CABIN1: variants seen among roughly 807,000 people sequenced by gnomAD.
The protein encoded by CABIN1 is calcineurin binding protein 1.
In CABIN1, 133 loss-of-function variants were observed where a neutral mutation model predicts 227.7. That is an observed-to-expected ratio of 0.58 (90% CI 0.51 to 0.67). The LOEUF is 0.67. Ranked by LOEUF, CABIN1 falls within the 30% of genes least tolerant of loss-of-function variation. The pLI is 0.00. For synonymous variants in CABIN1, 1,086 were observed against 1,155.1 expected (o/e 0.94, Z 1.21); for missense variants, 2,408 against 2,852.5 (o/e 0.84, Z 3.55).
intron 1 of CABIN1, among the ~76,000 whole-genome samples, chr22:24,028,905 C>G (rs1038402361): frequency 6.6e-6 from 1 of 152,006 alleles, no homozygotes; most frequent in African/African-American, 2.4e-5. Context: ...AGGGACAGAC[C>G]CAGAGGCAGG....
At chr22:24,053,305 T>G (rs1262078668) in intron 8 of CABIN1, among the ~76,000 whole-genome samples, 3 of 152,034 alleles carry the variant, frequency 2.0e-5, no homozygotes, top group African/African-American at 4.8e-5. Flanking sequence ...CTCGATCTCC[T>G]GACCTTGTGA....
intron 28 of CABIN1, among the ~76,000 whole-genome samples, chr22:24,132,093 C>T (rs568677822): frequency 1.3e-5 from 2 of 151,732 alleles, no homozygotes; most frequent in African/African-American, 4.8e-5. Flanking sequence ...CAGTGTCCTA[C>T]ATCACCTTCT....
Position 24,087,572 on chromosome 22 carries a change from C to T in CABIN1, c.3384C>T (p.Cys1128=), listed in dbSNP as rs1050699440. 3.7e-6 allele frequency: 6 copies of T among 1,614,234 alleles called. No homozygotes were observed. In the African/African-American group the frequency reaches 6.7e-5, roughly 18 times the overall value. ...AGCATGCCACGCCCGTCTTGAACTG[C>T]TTCCGTCGGGCCCTGGAGATTGACA... ...IWKHATPVLN[C]FRRALEIDSS... The change falls in exon 23 of 37, where the codon TGC becomes TGT. Residue 1128 remains cysteine, a synonymous_variant. Coordinates refer to ENST00000263119, the MANE Select transcript of CABIN1 (RefSeq NM_012295.4).
chr22:24,169,798 G>A (rs1472755182), intron 33 of CABIN1, among the ~76,000 whole-genome samples: 1 of 152,202 alleles, frequency 6.6e-6, no homozygotes. Context: ...GACCCACACA[G>A]GAAACCCCCC....
At chr22:24,146,176 G>A (rs565337658) in intron 29 of CABIN1, among the ~76,000 whole-genome samples, 22 of 152,346 alleles carry the variant, frequency 1.4e-4, no homozygotes, top group African/African-American at 5.1e-4. Context: ...CTACTTGGCT[G>A]TAGTAGGAAT....
rs746314612 is a variant in CABIN1, at chr22:24,091,852, A to G, written c.3786+9A>G. On this transcript the variant is annotated intron_variant, in intron 24 of 36. Coordinates refer to ENST00000263119, the MANE Select transcript of CABIN1 (RefSeq NM_012295.4). Reference sequence around the variant, plus strand: ...CCATGGAGGCCCTGGAGGTGACACCATGCTGGCCCAGGGCGGGGAAGCAGG... The same window carrying G: ...CCATGGAGGCCCTGGAGGTGACACCGTGCTGGCCCAGGGCGGGGAAGCAGG... The G allele has an allele frequency of 6.2e-6, 10 of 1,612,234 alleles. No individual in the cohort carries two copies. Among genetic ancestry groups the G allele is most frequent in the South Asian group, 1.1e-5 (1 of 91,080 alleles).
chr22:24,119,486 A>G lies in CABIN1; in HGVS notation c.4420A>G (p.Thr1474Ala). The G allele has an allele frequency of 6.2e-7, 1 of 1,614,088 alleles. No homozygotes were observed. The highest frequency in any genetic ancestry group is 1.3e-5 in the African/African-American group (1 of 75,056). ...ACIPGKPSAS[T>A]PTLWDGKKRG... The stretch of plus-strand genomic sequence containing the variant: ...CATCCCTGGCAAGCCCTCAGCATCC[A>G]CACCCACCCTGTGGGATGGGAAGAA... The change falls in exon 28 of 37, where the codon ACA becomes GCA. Residue 1474 changes from threonine (T) to alanine (A), a missense_variant. Physicochemically the swap from Thr to Ala is moderately conservative, Grantham distance 58. This residue lies in a region of CABIN1 where 649 missense variants were observed against 910.3 expected (regional missense o/e 0.71). Transcript: ENST00000263119.
intron 13 of CABIN1, 135 bp downstream of exon 13, chr22:24,062,160 C>T (rs1197997995): frequency 4.1e-6 from 3 of 731,294 alleles, no homozygotes; most frequent in South Asian, 1.5e-5. Context: ...GTTGGCTTGT[C>T]AGGGTCCCAG....
chr22:24,085,116 G>A lies in CABIN1; in HGVS notation c.3228G>A (p.Lys1076=). ...ACAAGGAGCAGTCCAAGGCCATCAA[G>A]TTCTACATGCATGACATCTGCATCT... The part of the protein sequence containing the change: ...FKNKEQSKAI[K]FYMHDICICP... Residue 1076 remains lysine (K), a synonymous_variant, in exon 22 of 37, where the codon AAG becomes AAA. Transcript: ENST00000263119. 2.5e-6 allele frequency: 4 copies of A among 1,614,192 alleles called. No homozygotes were observed. Among genetic ancestry groups the A allele is most frequent in the African/African-American group, 1.3e-5 (1 of 75,048 alleles).
At chr22:24,100,687 C>T (rs1002374776) in intron 26 of CABIN1, among the ~76,000 whole-genome samples, 38 of 152,238 alleles carry the variant, frequency 2.5e-4, no homozygotes, top group Middle Eastern at 3.4e-3. Flanking sequence ...GAAGCAGTCA[C>T]GGGGAGGTCA....
At chr22:24,091,963 G>C in intron 24 of CABIN1, 120 bp downstream of exon 24, 1 of 1,187,730 alleles carries the variant, frequency 8.4e-7, no homozygotes, top group Non-Finnish European at 1.2e-6. Context: ...AAACTTATCT[G>C]TGTTGAGCAG....
chr22:24,067,591 G>A (rs552512114), intron 16 of CABIN1, among the ~76,000 whole-genome samples: 1 of 152,318 alleles, frequency 6.6e-6, no homozygotes, highest in South Asian at 2.1e-4. Flanking sequence ...AGACCAATGT[G>A]TTGAAGAAAA....
At chr22:24,151,689 C>G (rs1050679334) in intron 29 of CABIN1, among the ~76,000 whole-genome samples, 1 of 152,166 alleles carries the variant, frequency 6.6e-6, no homozygotes, top group Non-Finnish European at 1.5e-5. Context: ...CACCAAGAGG[C>G]CTTGGAGCCT....
At chr22:24,013,444 G>T (rs1262051621) in intron 1 of CABIN1, among the ~76,000 whole-genome samples, 1 of 151,976 alleles carries the variant, frequency 6.6e-6, no homozygotes, top group Non-Finnish European at 1.5e-5. Context: ...TGATCCGCCC[G>T]CCTCGGCCTC....
chr22:24,058,096 A>G (rs1434062730), intron 10 of CABIN1, among the ~76,000 whole-genome samples: 2 of 152,166 alleles, frequency 1.3e-5, no homozygotes, highest in South Asian at 2.1e-4. Flanking sequence ...CAGTGGCACA[A>G]TCATAGCTCA....
chr22:24,140,185 G>A (rs2044668546), intron 29 of CABIN1, among the ~76,000 whole-genome samples: 1 of 152,222 alleles, frequency 6.6e-6, no homozygotes, highest in South Asian at 2.1e-4. Flanking sequence ...GGGTGCTAAG[G>A]ATCGAGTGAG....
intron 19 of CABIN1, among the ~76,000 whole-genome samples, chr22:24,078,983 CT>C (rs1241776637): frequency 3.3e-5 from 5 of 151,954 alleles, no homozygotes; most frequent in African/African-American, 7.3e-5. Context: ...TTGCAGCTTG[CT>C]TTTATTTTAG....
intron 33 of CABIN1, among the ~76,000 whole-genome samples, chr22:24,170,404 C>A (rs1387399723): frequency 6.6e-6 from 1 of 152,208 alleles, no homozygotes; most frequent in Non-Finnish European, 1.5e-5. Context: ...TAATTAGAGG[C>A]TCAGTGCCCA....
chr22:24,130,519 A>G (rs971343601), intron 28 of CABIN1, among the ~76,000 whole-genome samples: 1 of 152,110 alleles, frequency 6.6e-6, no homozygotes, highest in African/African-American at 2.4e-5. Flanking sequence ...TCAACCCAGG[A>G]GGCATCATGT....
Sources: allele counts gnomAD v4.1 joint callset (sites outside exome capture counted in the v4.1 genomes callset), GRCh38; gene constraint gnomAD v4.1.1; regional missense constraint gnomAD v4.1.1; transcripts MANE v1.5; gene names NCBI Gene and HGNC (gene_info 2026-07-23, HGNC 2026-07-21).